EPHB1: variants seen among roughly 807,000 people sequenced by gnomAD.
EPHB1 encodes ephrin type-B receptor 1.
A neutral mutation model predicts 94.4 loss-of-function variants in EPHB1; 30 were observed. The ratio of observed to expected loss-of-function variants is 0.32; its 90% CI spans 0.24 to 0.43. The LOEUF is 0.43. Ranked by LOEUF, EPHB1 falls within the 20% of genes least tolerant of loss-of-function variation. EPHB1 has a pLI of 1.00. For synonymous variants in EPHB1, 522 were observed against 489.1 expected (o/e 1.07, Z -0.89); for missense variants, 1,055 against 1,308.3 (o/e 0.81, Z 2.99).
In EPHB1 at chr3:135,092,695, G is replaced by A. The variant is rs377185096; in HGVS notation, c.806-13753G>A. ...GGCTGGAGTGCAGTGGCACAATCTC[G>A]GCTCACTGCAACCTCCACTTCCCAG... On this transcript the variant is annotated intron_variant, in intron 3 of 15. Coordinates refer to ENST00000398015, the MANE Select transcript of EPHB1 (RefSeq NM_004441.5). 6.8e-5 allele frequency among the ~76,000 whole-genome samples: 10 copies of A among 147,440 alleles called. No homozygotes were observed. In the South Asian group the frequency reaches 1.3e-3, roughly 20 times the overall value.
chr3:134,871,437 T>C, intron 1 of EPHB1, among the ~76,000 whole-genome samples: 1 of 152,152 alleles, frequency 6.6e-6, no homozygotes, highest in East Asian at 1.9e-4. Context: ...GGGAAAGAAC[T>C]GCAAGCTCTG....
intron 1 of EPHB1, among the ~76,000 whole-genome samples, chr3:134,900,629 G>GA (rs1408101255): frequency 2.0e-5 from 3 of 152,168 alleles, no homozygotes; most frequent in Admixed American, 1.3e-4. Flanking sequence ...AGAGAGATGG[G>GA]AAAAAGCATG....
At position 135,249,488 on chromosome 3, in the gene EPHB1, C is replaced by G; in HGVS notation, c.2843C>G (p.Ser948Ter). Residue 948 changes from serine to a stop codon, truncating the protein, a stop_gained, in exon 15 of 16, where the codon TCA (serine) becomes TGA (stop). Transcript: ENST00000398015. LOFTEE classifies it high-confidence loss of function. The stretch of plus-strand genomic sequence containing the variant: ...CTCCAGCTGGTCACCCAGATGACAT[C>G]AGAGTAAGTGATGAGAATCTCTCTG... Reference protein sequence around the residue: ...TSLQLVTQMTSEDLLRIGITL... With the variant: ...TSLQLVTQMT 6.2e-7 allele frequency: 1 copy of G among 1,613,050 alleles called. No homozygotes were observed. The highest frequency in any genetic ancestry group is 8.5e-7 in the Non-Finnish European group (1 of 1,179,402).
intron 3 of EPHB1, among the ~76,000 whole-genome samples, chr3:134,973,265 G>A (rs1032862050): frequency 2.0e-5 from 3 of 152,030 alleles, no homozygotes; most frequent in Non-Finnish European, 4.4e-5. Flanking sequence ...TTCAGGGATG[G>A]GGACAGTGAG....
chr3:135,087,838 C>A (rs1297002223), intron 3 of EPHB1, among the ~76,000 whole-genome samples: 2 of 152,132 alleles, frequency 1.3e-5, no homozygotes, highest in Non-Finnish European at 2.9e-5. Flanking sequence ...GAAAAAGCAG[C>A]CAATCTCACC....
intron 3 of EPHB1, among the ~76,000 whole-genome samples, chr3:135,045,323 T>C (rs1257711716): frequency 6.6e-6 from 1 of 152,240 alleles, no homozygotes; most frequent in African/African-American, 2.4e-5. Context: ...ATGTCTTTGA[T>C]AAACTAGTAA....
At chr3:134,863,582 C>G (rs2037311459) in intron 1 of EPHB1, among the ~76,000 whole-genome samples, 1 of 152,214 alleles carries the variant, frequency 6.6e-6, no homozygotes, top group Non-Finnish European at 1.5e-5. Flanking sequence ...AAAGACTTAA[C>G]AGTCTTTTAC....
intron 3 of EPHB1, among the ~76,000 whole-genome samples, chr3:135,078,388 C>T (rs1320301284): frequency 6.6e-6 from 1 of 152,204 alleles, no homozygotes; most frequent in Non-Finnish European, 1.5e-5. Flanking sequence ...GCACCCCAAG[C>T]CCAAACCCCA....
chr3:135,143,839 G>C (rs1160404411), intron 5 of EPHB1, among the ~76,000 whole-genome samples: 1 of 152,182 alleles, frequency 6.6e-6, no homozygotes, highest in Non-Finnish European at 1.5e-5. Context: ...TCACATAAAT[G>C]GCACATTCTA....
chr3:135,229,769 G>A (rs1380436402), intron 12 of EPHB1, among the ~76,000 whole-genome samples: 2 of 152,174 alleles, frequency 1.3e-5, no homozygotes, highest in Non-Finnish European at 2.9e-5. Flanking sequence ...GTAGCCACTC[G>A]ATGTCAGAAG....
rs750741196 is a variant in EPHB1 at position 134,951,583 on chromosome 3, G to A, written c.336G>A (p.Leu112=). ...GATCCTGCAAGGAGACCTTCAACTT[G>A]TATTACTATGAGACTGACTCTGTCA... The part of the protein sequence containing the change: ...VPGSCKETFN[L]YYYETDSVIA... The change falls in exon 3 of 16, where the codon TTG becomes TTA. Residue 112 remains leucine (L), a synonymous_variant. Coordinates refer to ENST00000398015, the MANE Select transcript of EPHB1 (RefSeq NM_004441.5). The surrounding 1 kb of genome is among the most constrained non-coding windows in gnomAD (Gnocchi z 4.5). 8.1e-6 allele frequency: 13 copies of A among 1,613,878 alleles called. No homozygotes were observed. In the South Asian group the frequency reaches 1.3e-4, roughly 16 times the overall value.
chr3:135,257,323 C>G (rs1933443611), intron 15 of EPHB1, among the ~76,000 whole-genome samples: 1 of 152,062 alleles, frequency 6.6e-6, no homozygotes, highest in Non-Finnish European at 1.5e-5. Context: ...CTTTTCTGTT[C>G]TGTTTTTTCC....
intron 1 of EPHB1, among the ~76,000 whole-genome samples, chr3:134,916,088 A>T (rs1267062699): frequency 6.6e-6 from 1 of 152,006 alleles, no homozygotes; most frequent in African/African-American, 2.4e-5. Flanking sequence ...CTAGACACAA[A>T]CGTTCTCCAA....
chr3:134,851,743 G>A (rs2036988414), intron 1 of EPHB1, among the ~76,000 whole-genome samples: 1 of 152,150 alleles, frequency 6.6e-6, no homozygotes, highest in Non-Finnish European at 1.5e-5. Flanking sequence ...GTAAAAGAAG[G>A]TATAGCTATT....
At chr3:135,047,986 G>T (rs1345690362) in intron 3 of EPHB1, among the ~76,000 whole-genome samples, 1 of 152,130 alleles carries the variant, frequency 6.6e-6, no homozygotes, top group Non-Finnish European at 1.5e-5. Context: ...GACATTTGTG[G>T]GTTACAAAGG....
chr3:135,146,414 T>A (rs953863640), intron 5 of EPHB1, among the ~76,000 whole-genome samples: 34 of 152,090 alleles, frequency 2.2e-4, no homozygotes, highest in African/African-American at 8.2e-4. Context: ...TGAGGCACAA[T>A]GAGATACAGG....
intron 3 of EPHB1, among the ~76,000 whole-genome samples, chr3:135,081,049 A>G (rs1938146081): frequency 6.6e-6 from 1 of 152,166 alleles, no homozygotes. Flanking sequence ...CCTCTATTGC[A>G]AATCTCCATC....
intron 1 of EPHB1, among the ~76,000 whole-genome samples, chr3:134,829,149 A>G (rs1020050217): frequency 2.2e-4 from 33 of 152,278 alleles, no homozygotes; most frequent in Admixed American, 2.2e-3. Context: ...AAGTTAAGGA[A>G]TAAAATTCTG....
At chr3:135,055,825 C>T (rs893599323) in intron 3 of EPHB1, among the ~76,000 whole-genome samples, 1 of 152,180 alleles carries the variant, frequency 6.6e-6, no homozygotes, top group Non-Finnish European at 1.5e-5. Flanking sequence ...GCTGTCACCA[C>T]ACAGGTCTGA....
Sources: allele counts gnomAD v4.1 joint callset (sites outside exome capture counted in the v4.1 genomes callset), GRCh38; gene constraint gnomAD v4.1.1; non-coding constraint Gnocchi (gnomAD v3.1); transcripts MANE v1.5; gene names NCBI Gene and HGNC (gene_info 2026-07-23, HGNC 2026-07-21).